Variants in TMTC2 observed in about 807,000 individuals in gnomAD.
The protein encoded by TMTC2 is protein O-mannosyl-transferase TMTC2.
In TMTC2, 43 loss-of-function variants were observed where a neutral mutation model predicts 82.4. That is an observed-to-expected ratio of 0.52 (90% confidence interval 0.41 to 0.67). The LOEUF (loss-of-function observed/expected upper bound fraction) is 0.67, where lower values mean the gene tolerates loss of function less well. Among genes scored for constraint, TMTC2 ranks in the 30% least tolerant of loss-of-function variants. The probability of loss-of-function intolerance (pLI) is 0.00; values close to 1 mark genes in which losing one functional copy is unlikely to be tolerated. For synonymous variants in TMTC2, 408 were observed against 381.9 expected, an observed-to-expected ratio of 1.07 and a Z score of -0.80; for missense variants, 919 against 1,012.4, an observed-to-expected ratio of 0.91 and a Z score of 1.25.
At chr12:82,753,518 T>C (rs1876133029) in intron 1 of TMTC2, among the ~76,000 whole-genome samples, 1 of 152,170 alleles carries the variant, frequency 6.6e-6, no homozygotes, top group Non-Finnish European at 1.5e-5. Context: ...GTTTTATGTA[T>C]TGGGTGGCTT....
intron 4 of TMTC2, among the ~76,000 whole-genome samples, chr12:82,955,517 G>A (rs1877567044): frequency 1.3e-5 from 2 of 151,980 alleles, no homozygotes; most frequent in Non-Finnish European, 2.9e-5. Context: ...GAAAAGATGG[G>A]CAAAATGTTC....
At chr12:82,715,482 G>T (rs1354262832) in intron 1 of TMTC2, among the ~76,000 whole-genome samples, 1 of 152,036 alleles carries the variant, frequency 6.6e-6, no homozygotes, top group Non-Finnish European at 1.5e-5. Flanking sequence ...ATATTCAGTG[G>T]TCTGGAACAA....
At chr12:83,002,123 T>TA (rs1879954701) in intron 8 of TMTC2, among the ~76,000 whole-genome samples, 1 of 152,154 alleles carries the variant, frequency 6.6e-6, no homozygotes. Context: ...TTTTGGTGGT[T>TA]AGGTTTTTTT....
intron 1 of TMTC2, among the ~76,000 whole-genome samples, chr12:82,838,915 T>G (rs970811487): frequency 6.6e-6 from 1 of 152,158 alleles, no homozygotes; most frequent in African/African-American, 2.4e-5. Flanking sequence ...ACATGCATAT[T>G]CTCAGTCCAA....
chr12:82,899,631 TG>T (rs1181645110), intron 3 of TMTC2, among the ~76,000 whole-genome samples: 1 of 127,064 alleles, frequency 7.9e-6, no homozygotes, highest in African/African-American at 4.0e-5. Flanking sequence ...AATATATATA[TG>T]TGGAATATAT....
intron 1 of TMTC2, among the ~76,000 whole-genome samples, chr12:82,805,324 G>C (rs1027429232): frequency 6.6e-6 from 1 of 151,980 alleles, no homozygotes; most frequent in African/African-American, 2.4e-5. Flanking sequence ...AAAGTACTTT[G>C]ATTTCTTTAT....
At chr12:82,852,684 CAT>C (rs1340642123) in intron 1 of TMTC2, among the ~76,000 whole-genome samples, 1 of 152,158 alleles carries the variant, frequency 6.6e-6, no homozygotes, top group Non-Finnish European at 1.5e-5. Flanking sequence ...ATTTTGGACT[CAT>C]AGAAGGAAAT....
At chr12:82,728,806 T>C (rs1294216835) in intron 1 of TMTC2, among the ~76,000 whole-genome samples, 1 of 152,202 alleles carries the variant, frequency 6.6e-6, no homozygotes, top group Non-Finnish European at 1.5e-5. Flanking sequence ...CTGCACGCAG[T>C]GCTTGCAGGC....
rs1878119296 is a variant in TMTC2 at position 82,964,938 on chromosome 12, T to G, written c.1599-86T>G. On this transcript the variant is annotated intron_variant, in intron 4 of 11. Transcript: ENST00000321196. ...CATTTTTACTGTGCTGTTAACCATT[T>G]TTATTTTTGGAATATAAAATAAAAA... The G allele has an allele frequency of 1.6e-5, 13 of 828,034 alleles. No homozygotes were observed. The South Asian group carries it at 2.7e-4, about 17-fold the overall frequency. 51.3% of individuals were successfully genotyped at this position (828,034 alleles called of 1,614,324 possible). A position where few individuals can be genotyped will look rare whatever the true frequency, so the allele number is the denominator to read the frequency against.
chr12:82,996,067 T>A (rs978074058), intron 8 of TMTC2, among the ~76,000 whole-genome samples: 1 of 152,242 alleles, frequency 6.6e-6, no homozygotes, highest in Non-Finnish European at 1.5e-5. Context: ...AGTTTTTAGA[T>A]TTTTCTTCTA....
At chr12:83,114,998 T>A (rs1884709342) in intron 11 of TMTC2, among the ~76,000 whole-genome samples, 2 of 152,024 alleles carry the variant, frequency 1.3e-5, no homozygotes, top group South Asian at 4.2e-4. Flanking sequence ...ACAATTGAGA[T>A]TTTAAATATT....
chr12:82,947,306 G>C (rs1416300895), intron 4 of TMTC2, among the ~76,000 whole-genome samples: 1 of 151,792 alleles, frequency 6.6e-6, no homozygotes, highest in Non-Finnish European at 1.5e-5. Flanking sequence ...CCTGAAACTG[G>C]GTGTTGGAGC....
intron 8 of TMTC2, among the ~76,000 whole-genome samples, chr12:83,016,537 A>G (rs1333569910): frequency 1.3e-5 from 2 of 152,170 alleles, no homozygotes; most frequent in Non-Finnish European, 2.9e-5. Context: ...ATGATGTTAC[A>G]CCATGTGTAA....
intron 1 of TMTC2, among the ~76,000 whole-genome samples, chr12:82,700,399 C>T (rs1014496509): frequency 3.9e-5 from 6 of 152,032 alleles, no homozygotes; most frequent in Non-Finnish European, 7.4e-5. Flanking sequence ...TATTATAGGG[C>T]ATTTAAAGAT....
chr12:82,831,889 T>C (rs774255796), intron 1 of TMTC2, among the ~76,000 whole-genome samples: 5 of 152,178 alleles, frequency 3.3e-5, no homozygotes, highest in African/African-American at 4.8e-5. Context: ...TCCTTCAGGA[T>C]CGTACGAAGA....
At chr12:82,735,624 C>A (rs577086951) in intron 1 of TMTC2, among the ~76,000 whole-genome samples, 4 of 151,392 alleles carry the variant, frequency 2.6e-5, no homozygotes, top group South Asian at 2.1e-4. Context: ...GGATTACAGG[C>A]GTGAGCCACC....
rs144625354 is a variant in TMTC2 at position 82,843,179 on chromosome 12, C to T, written c.84-13831C>T. ...TCGGCTCACTGCAATCTCTGCCTCC[C>T]GGGTTCAAGCGATTCTCCTGTCTCA... On this transcript the variant is annotated intron_variant, in intron 1 of 11. Transcript: ENST00000321196. Among the ~76,000 whole-genome samples the T allele has an allele frequency of 4.2e-3, 643 of 152,114 alleles. 5 individuals carry two copies. The highest frequency in any genetic ancestry group is 0.015 in the African/African-American group (615 of 41,470).
intron 2 of TMTC2, among the ~76,000 whole-genome samples, chr12:82,893,708 C>CTT (rs1273980389): frequency 6.6e-6 from 1 of 151,730 alleles, no homozygotes; most frequent in African/African-American, 2.4e-5. Context: ...AAAAAAAAAA[C>CTT]TTTCATACTT....
At position 82,869,961 on chromosome 12, in the gene TMTC2, A is replaced by C. The variant is rs78749483; in HGVS notation, c.654+12381A>C. On this transcript the variant is annotated intron_variant, in intron 2 of 11. Coordinates refer to ENST00000321196, the MANE Select transcript of TMTC2 (RefSeq NM_152588.3). The stretch of plus-strand genomic sequence containing the variant: ...CGGTATATTCTAGCCTCTCCCAACC[A>C]GGTTGAATGCTTTTGTCACTGTAAA... Among the ~76,000 whole-genome samples, 633 of 152,296 alleles carry C rather than the reference A, an allele frequency of 4.2e-3. 35 individuals carry two copies. In the East Asian group the frequency reaches 0.1, roughly 25 times the overall value.
Sources: allele counts gnomAD v4.1 joint callset (sites outside exome capture counted in the v4.1 genomes callset), GRCh38; gene constraint gnomAD v4.1.1; transcripts MANE v1.5; gene names NCBI Gene and HGNC (gene_info 2026-07-23, HGNC 2026-07-21).